Variants in AGO3 observed in about 807,000 individuals in gnomAD.
AGO3 encodes the protein argonaute RISC catalytic component 3, also known as protein argonaute-3.
AGO3 carries 16 observed loss-of-function variants against 105.5 expected under a neutral mutation model. The observed-to-expected ratio is 0.15, with a 90% CI of 0.10 to 0.23. The LOEUF is 0.23. Among genes scored for constraint, AGO3 ranks in the 10% least tolerant of loss-of-function variants. The pLI is 1.00. For synonymous variants in AGO3, 340 were observed against 367.3 expected, an observed-to-expected ratio of 0.93 and a Z score of 0.85; for missense variants, 534 against 1,088.0, an observed-to-expected ratio of 0.49 and a Z score of 7.16.
intron 11 of AGO3, among the ~76,000 whole-genome samples, chr1:36,017,229 A>G (rs1640952820): frequency 6.6e-6 from 1 of 152,198 alleles, no homozygotes; most frequent in South Asian, 2.1e-4. Flanking sequence ...TAACCCTAAG[A>G]GTTTGGAGTA....
chr1:36,025,792 C>G (rs1421578983), intron 11 of AGO3, among the ~76,000 whole-genome samples: 1 of 152,116 alleles, frequency 6.6e-6, no homozygotes, highest in Non-Finnish European at 1.5e-5. Context: ...AATCCCAGCA[C>G]TTTGGGAGGC....
At chr1:36,023,488 T>C (rs753401053) in intron 11 of AGO3, among the ~76,000 whole-genome samples, 60 of 152,214 alleles carry the variant, frequency 3.9e-4, no homozygotes, top group Non-Finnish European at 7.5e-4. Flanking sequence ...CACTACCACA[T>C]GGTTGAAGAC....
intron 1 of AGO3, among the ~76,000 whole-genome samples, chr1:35,943,301 C>CTTT (rs533801617): frequency 3.2e-5 from 4 of 124,406 alleles, no homozygotes; most frequent in African/African-American, 6.0e-5. Flanking sequence ...CCATGCCCAT[C>CTTT]TTTTTTTTTT....
intron 5 of AGO3, among the ~76,000 whole-genome samples, chr1:36,003,744 A>G (rs1274435603): frequency 7.0e-6 from 1 of 142,102 alleles, no homozygotes; most frequent in Non-Finnish European, 1.5e-5. Flanking sequence ...ATATATGTAT[A>G]TTTGTAGCTT....
chr1:36,048,114 A>G (rs1642553930), intron 17 of AGO3, among the ~76,000 whole-genome samples: 1 of 152,120 alleles, frequency 6.6e-6, no homozygotes, highest in Non-Finnish European at 1.5e-5. Context: ...CAGAAACCTT[A>G]TAGGCCTGGA....
At chr1:35,970,065 A>T (rs538542396) in intron 3 of AGO3, among the ~76,000 whole-genome samples, 83 of 152,100 alleles carry the variant, frequency 5.5e-4, no homozygotes, top group African/African-American at 1.9e-3. Flanking sequence ...GGTTTATTTT[A>T]TGTTTTCTCT....
chr1:35,995,131 G>A (rs1418746576), intron 5 of AGO3, among the ~76,000 whole-genome samples: 4 of 149,962 alleles, frequency 2.7e-5, no homozygotes, highest in Non-Finnish European at 5.9e-5. Flanking sequence ...AACCCGGGAA[G>A]CAGAGGTTGC....
chr1:36,063,644 T>TTA lies in AGO3; in HGVS notation c.*7900_*7901dup, dbSNP rs1406695658. On this transcript the variant is annotated 3_prime_UTR_variant, in exon 19 of 19. Transcript: ENST00000373191. ...AGGGAGAGCCAGGTATAAAGACTGATTAATAGAGTACTTCAGCTAATTAAA... is the reference window on the plus strand; with the variant it reads ...AGGGAGAGCCAGGTATAAAGACTGATTATAATAGAGTACTTCAGCTAATTAAA... 3.3e-5 allele frequency: 5 copies of TTA among 152,178 alleles called. No individual in the cohort carries two copies. Among genetic ancestry groups the TTA allele is most frequent in the African/African-American group, 1.2e-4 (5 of 41,426 alleles). 9.4% of individuals were successfully genotyped at this position (152,178 alleles called of 1,614,324 possible). A position where few individuals can be genotyped will look rare whatever the true frequency, so the allele number is the denominator to read the frequency against.
intron 6 of AGO3, 117 bp downstream of exon 6, chr1:36,004,592 C>T (rs1437761245): frequency 4.5e-6 from 4 of 890,778 alleles, no homozygotes; most frequent in Non-Finnish European, 6.1e-6. Flanking sequence ...TAAAACTATA[C>T]ATCAATTATA....
chr1:35,969,330 C>T (rs761832635), intron 3 of AGO3, among the ~76,000 whole-genome samples: 9 of 151,826 alleles, frequency 5.9e-5, no homozygotes, highest in Non-Finnish European at 8.8e-5. Context: ...ATGTTGTGTC[C>T]GTTGATACAC....
At chr1:36,030,390 C>T (rs984102227) in intron 12 of AGO3, among the ~76,000 whole-genome samples, 2 of 151,558 alleles carry the variant, frequency 1.3e-5, no homozygotes, top group Non-Finnish European at 2.9e-5. Flanking sequence ...GTGGTCCTAG[C>T]TACTTGGGAG....
At chr1:36,029,812 C>A (rs1267458759) in intron 12 of AGO3, among the ~76,000 whole-genome samples, 1 of 151,880 alleles carries the variant, frequency 6.6e-6, no homozygotes, top group African/African-American at 2.4e-5. Flanking sequence ...TCTGCCTCAG[C>A]CTCCCTAGTA....
chr1:36,043,417 T>G, intron 16 of AGO3, 30 bp from the exon 17 acceptor site: 1 of 1,570,816 alleles, frequency 6.4e-7, no homozygotes, highest in Non-Finnish European at 8.7e-7. Flanking sequence ...CTTTTTCTTG[T>G]TTGTTTAAAC....
chr1:36,046,682 T>C (rs1286487120), intron 17 of AGO3, among the ~76,000 whole-genome samples: 1 of 112,516 alleles, frequency 8.9e-6, no homozygotes, highest in East Asian at 3.0e-4. Flanking sequence ...AGTGCCTAAA[T>C]TGAAGGAGTA....
At chr1:35,993,558 C>T (rs908218427) in intron 5 of AGO3, among the ~76,000 whole-genome samples, 11 of 151,942 alleles carry the variant, frequency 7.2e-5, no homozygotes, top group African/African-American at 1.2e-4. Flanking sequence ...AAAATTGACT[C>T]GAAAAAGAAG....
At chr1:35,945,597 T>C in intron 1 of AGO3, 95 bp from the exon 2 acceptor site, 1 of 1,249,462 alleles carries the variant, frequency 8.0e-7, no homozygotes, top group Admixed American at 2.3e-5. Flanking sequence ...TTAGCCATTA[T>C]CAGCTGTACT....
chr1:36,039,698 C>T, intron 14 of AGO3, 92 bp from the exon 15 acceptor site: 2 of 936,976 alleles, frequency 2.1e-6, no homozygotes, highest in Non-Finnish European at 2.9e-6. Context: ...GAACAGGTTA[C>T]AGTAAAATAA....
In AGO3 at chr1:35,931,228, G is replaced by C. The variant is rs2148734226; in HGVS notation, c.-199G>C. 2.3e-6 allele frequency: 1 copy of C among 441,694 alleles called. No individual in the cohort carries two copies. Among genetic ancestry groups the C allele is most frequent in the East Asian group, 3.6e-5 (1 of 28,100 alleles). 27.4% of individuals were successfully genotyped at this position (441,694 alleles called of 1,614,324 possible). A position where few individuals can be genotyped will look rare whatever the true frequency, so the allele number is the denominator to read the frequency against. ...TCACATCTCCCCTTCCTCTCGCCTAGTCCTGTGCCGTTTTCCGTCCGCGAC... is the reference window on the plus strand; with the variant it reads ...TCACATCTCCCCTTCCTCTCGCCTACTCCTGTGCCGTTTTCCGTCCGCGAC... On this transcript the variant is annotated 5_prime_UTR_variant, in exon 1 of 19. An upstream open reading frame in the 5' UTR loses its in-frame stop. Coordinates refer to ENST00000373191, the MANE Select transcript of AGO3 (RefSeq NM_024852.4).
Position 36,063,136 on chromosome 1 carries a change from A to C in AGO3, c.*7391A>C, listed in dbSNP as rs1234034460. ...AAACTCTAGAGTTTGGATTTTTACCAATAAACCATTAACACTATTTTGTAA... is the reference window on the plus strand; with the variant it reads ...AAACTCTAGAGTTTGGATTTTTACCCATAAACCATTAACACTATTTTGTAA... On this transcript the variant is annotated 3_prime_UTR_variant, in exon 19 of 19. Transcript: ENST00000373191. The C allele has an allele frequency of 1.3e-5, 2 of 152,204 alleles. No individual in the cohort carries two copies. Among genetic ancestry groups the C allele is most frequent in the Non-Finnish European group, 2.9e-5 (2 of 68,028 alleles). The allele number at this position is 152,204 out of a possible 1,614,324, so 9.4% of individuals were successfully genotyped here. A position where few individuals can be genotyped will look rare whatever the true frequency, so the allele number is the denominator to read the frequency against.
Sources: gnomAD v4.1 joint callset for allele counts (sites outside exome capture counted in the v4.1 genomes callset) on GRCh38, gnomAD v4.1.1 for gene constraint, MANE v1.5 for transcripts, NCBI Gene and HGNC (gene_info 2026-07-23, HGNC 2026-07-21) for gene names.